The following DIP2C variants were observed in gnomAD, a reference collection of about 807,000 sequenced individuals.
DIP2C encodes the protein disco-interacting protein 2 homolog C.
Under a neutral mutation model 192.4 loss-of-function variants are expected in DIP2C, and 33 were observed. The observed-to-expected ratio is 0.17, with a 90% CI of 0.13 to 0.23. DIP2C has a LOEUF of 0.23. DIP2C is among the 10% of genes least tolerant of loss of function. DIP2C has a pLI of 1.00. For synonymous variants in DIP2C, 979 were observed against 864.1 expected, an observed-to-expected ratio of 1.13 and a Z score of -2.33; for missense variants, 1,537 against 2,110.1, an observed-to-expected ratio of 0.73 and a Z score of 5.32.
intron 3 of DIP2C, among the ~76,000 whole-genome samples, chr10:447,920 T>C (rs375427844): frequency 8.5e-3 from 470 of 55,420 alleles, no homozygotes; most frequent in Middle Eastern, 0.019. Context: ...CACTCATCCC[T>C]GTCTATACTC....
At chr10:582,811 A>G (rs1047920446) in intron 1 of DIP2C, among the ~76,000 whole-genome samples, 8 of 152,338 alleles carry the variant, frequency 5.3e-5, no homozygotes, top group Admixed American at 3.3e-4. Context: ...CTGTAATGAC[A>G]CAAAGGGGCT....
chr10:582,447 C>G (rs1850729717), intron 1 of DIP2C, among the ~76,000 whole-genome samples: 1 of 152,204 alleles, frequency 6.6e-6, no homozygotes, highest in Non-Finnish European at 1.5e-5. Context: ...GCCAGGCATG[C>G]TGGTGCGCGC....
At chr10:338,972 C>G (rs1249267348) in intron 29 of DIP2C, among the ~76,000 whole-genome samples, 2 of 152,108 alleles carry the variant, frequency 1.3e-5, no homozygotes, top group Admixed American at 1.3e-4. Context: ...GCTCCCACAG[C>G]CCACGCCAGG....
chr10:632,155 G>A (rs573290028), intron 1 of DIP2C, among the ~76,000 whole-genome samples: 10 of 152,214 alleles, frequency 6.6e-5, no homozygotes, highest in East Asian at 1.9e-4. Flanking sequence ...AGAGGCAAAC[G>A]TGGACCACAA....
intron 4 of DIP2C, among the ~76,000 whole-genome samples, chr10:436,239 C>T (rs1254668037): frequency 6.6e-6 from 1 of 152,202 alleles, no homozygotes; most frequent in African/African-American, 2.4e-5. Context: ...TCTGTGTATG[C>T]AGTGATTGTT....
At position 472,477 on chromosome 10, in the gene DIP2C, C is replaced by G; in HGVS notation, c.230G>C (p.Arg77Pro). The G allele has an allele frequency of 6.2e-7, 1 of 1,614,194 alleles. No homozygotes were observed. The change falls in exon 3 of 37, where the codon CGA (arginine) becomes CCA (proline). Residue 77 changes from arginine to proline, a missense_variant. Around this residue, in one of 4 missense-constraint regions of DIP2C, gnomAD observed 473 missense variants for 539.6 expected, o/e 0.88. Coordinates refer to ENST00000280886, the MANE Select transcript of DIP2C (RefSeq NM_014974.3). Reference sequence around the variant, plus strand: ...CTCATCTCGTGACCCTGAAGACCGTCGGCGGTGGTAGCGAGAGGCGGAGGA... The same window carrying G: ...CTCATCTCGTGACCCTGAAGACCGTGGGCGGTGGTAGCGAGAGGCGGAGGA... ...TPSSASRYHRRRSSGSRDERY... is the reference protein window; with the variant it reads ...TPSSASRYHRPRSSGSRDERY...
chr10:571,633 T>C (rs1849822019), intron 1 of DIP2C, among the ~76,000 whole-genome samples: 1 of 152,212 alleles, frequency 6.6e-6, no homozygotes, highest in Non-Finnish European at 1.5e-5. Flanking sequence ...TTCACTCTGT[T>C]TTTATTGCAA....
At chr10:625,331 A>T (rs1854129493) in intron 1 of DIP2C, among the ~76,000 whole-genome samples, 1 of 152,230 alleles carries the variant, frequency 6.6e-6, no homozygotes, top group South Asian at 2.1e-4. Flanking sequence ...CAGAAAAAAA[A>T]TCACAAAAAC....
chr10:434,391 T>TCC (rs964211562), intron 4 of DIP2C, among the ~76,000 whole-genome samples: 2 of 152,296 alleles, frequency 1.3e-5, no homozygotes, highest in East Asian at 1.9e-4. Flanking sequence ...CAAGTGACCC[T>TCC]CCCATCTTGG....
At chr10:501,592 G>C (rs2130710324) in intron 1 of DIP2C, among the ~76,000 whole-genome samples, 1 of 152,060 alleles carries the variant, frequency 6.6e-6, no homozygotes, top group East Asian at 1.9e-4. Context: ...ATGAAAAAAA[G>C]GTCAATAATC....
chr10:534,293 C>T (rs1031619500), intron 1 of DIP2C, among the ~76,000 whole-genome samples: 3 of 152,206 alleles, frequency 2.0e-5, no homozygotes, highest in Non-Finnish European at 2.9e-5. Context: ...GGGGAAAAGG[C>T]GCCTTCCCAC....
intron 32 of DIP2C, among the ~76,000 whole-genome samples, 164 bp from the exon 33 acceptor site, chr10:288,585 G>C (rs1217739363): frequency 6.6e-6 from 1 of 152,236 alleles, no homozygotes; most frequent in Non-Finnish European, 1.5e-5. Flanking sequence ...CAGCAGCAGA[G>C]GAAACTGAAC....
intron 9 of DIP2C, among the ~76,000 whole-genome samples, chr10:406,642 G>A (rs997121639): frequency 3.9e-5 from 6 of 152,128 alleles, no homozygotes; most frequent in Non-Finnish European, 8.8e-5. Context: ...AACAAAACTG[G>A]TAATAGCCCT....
intron 5 of DIP2C, among the ~76,000 whole-genome samples, chr10:419,681 G>C (rs923474485): frequency 2.6e-5 from 4 of 152,206 alleles, no homozygotes; most frequent in Non-Finnish European, 4.4e-5. Flanking sequence ...ACCGTGTAGG[G>C]TAGTTGGGTG....
intron 32 of DIP2C, 144 bp downstream of exon 32, chr10:309,887 C>T: frequency 2.5e-6 from 2 of 793,888 alleles, no homozygotes; most frequent in South Asian, 1.9e-5. Context: ...CAATGCCTAA[C>T]TCCACCACTT....
At position 316,913 on chromosome 10, in the gene DIP2C, T is replaced by C. The variant is rs561134161; in HGVS notation, c.3925-6821A>G. On this transcript the variant is annotated intron_variant, in intron 31 of 36. Coordinates refer to ENST00000280886, the MANE Select transcript of DIP2C (RefSeq NM_014974.3). ...TGGGAAAAACCACATACAGGTCTCTTTTCTCCTAGGAAGAAATGTAATTCA... is the reference window on the plus strand; with the variant it reads ...TGGGAAAAACCACATACAGGTCTCTCTTCTCCTAGGAAGAAATGTAATTCA... Among the ~76,000 whole-genome samples the C allele has an allele frequency of 6.1e-4, 93 of 152,316 alleles. 2 individuals are homozygous for C. The highest frequency in any genetic ancestry group is 5.2e-3 in the South Asian group (25 of 4,820).
At position 327,138 on chromosome 10, in the gene DIP2C, C is replaced by T. The variant is rs771734385; in HGVS notation, c.3792G>A (p.Val1264=). 2.5e-6 allele frequency: 4 copies of T among 1,614,134 alleles called. No homozygotes were observed. The Admixed American group carries it at 6.7e-5, about 27-fold the overall frequency. The change falls in exon 31 of 37, where the codon GTG becomes GTA. Residue 1264 remains valine (V), a synonymous_variant. Coordinates refer to ENST00000280886, the MANE Select transcript of DIP2C (RefSeq NM_014974.3). ...GLDLSRVRTC[V]VVAEERPRIA... ...TCCGAGGCCTCTCTTCCGCCACAAC[C>T]ACGCAGGTCCTCACTCGGGACAAGT...
intron 23 of DIP2C, 119 bp downstream of exon 23, chr10:357,709 G>T: frequency 1.4e-6 from 1 of 727,814 alleles, no homozygotes; most frequent in Non-Finnish European, 2.3e-6. Flanking sequence ...GTCAGACACT[G>T]TCGCGGACTG....
chr10:599,315 AAC>A (rs1374505342), intron 1 of DIP2C, among the ~76,000 whole-genome samples: 1 of 152,238 alleles, frequency 6.6e-6, no homozygotes, highest in Admixed American at 6.5e-5. Flanking sequence ...ACGTTACAGG[AAC>A]ACACAGGTAA....
Sources: gnomAD v4.1 joint callset for allele counts (sites outside exome capture counted in the v4.1 genomes callset) on GRCh38, gnomAD v4.1.1 for gene constraint, gnomAD v4.1.1 regional missense constraint, MANE v1.5 for transcripts, NCBI Gene and HGNC (gene_info 2026-07-23, HGNC 2026-07-21) for gene names.